ARL9: variants seen among roughly 807,000 people sequenced by gnomAD.
ARL9 encodes the protein ADP-ribosylation factor-like protein 9.
In ARL9, 14 loss-of-function variants were observed where a neutral mutation model predicts 27.0. The ratio of observed to expected loss-of-function variants is 0.52; its 90% CI spans 0.34 to 0.81. ARL9 has a LOEUF of 0.81. Among genes scored for constraint, ARL9 ranks in the 30% least tolerant of loss-of-function variants. The pLI, the probability that ARL9 is intolerant of heterozygous loss-of-function variation, is 0.01. For synonymous variants in ARL9, 106 were observed against 108.7 expected (o/e 0.98, Z 0.15); for missense variants, 294 against 290.0 (o/e 1.01, Z -0.10).
Position 56,514,172 on chromosome 4 carries a change from A to G in ARL9, c.442+2825A>G, listed in dbSNP as rs554852980. On this transcript the variant is annotated intron_variant, in intron 2 of 3. Transcript: ENST00000640821. Reference sequence around the variant, plus strand: ...GGCAACAAAGTGAAACCGTGTCTCAAAAAAGAAGATGACAAAATCTACTGA... The same window carrying G: ...GGCAACAAAGTGAAACCGTGTCTCAGAAAAGAAGATGACAAAATCTACTGA... Among the ~76,000 whole-genome samples, 9 of 152,346 alleles carry G rather than the reference A, an allele frequency of 5.9e-5. No homozygotes were observed. In the South Asian group the frequency reaches 1.9e-3, roughly 32 times the overall value.
intron 3 of ARL9, 90 bp from the exon 4 acceptor site, chr4:56,523,607 A>G: frequency 9.5e-7 from 1 of 1,054,934 alleles, no homozygotes; most frequent in Non-Finnish European, 1.4e-6. Flanking sequence ...GTGGTCACTG[A>G]GAGCAATAAA....
In ARL9 at chr4:56,523,767, G is replaced by C; in HGVS notation, c.689G>C (p.Arg230Thr). 1 of 1,613,864 alleles carries C rather than the reference G, an allele frequency of 6.2e-7. No individual in the cohort carries two copies. The highest frequency in any genetic ancestry group is 8.5e-7 in the Non-Finnish European group (1 of 1,179,766). ...GCATTATCTGAAGTGGGAAATGACA[G>C]GAAGATGTTCTTGTTTGGAACCTAC... ...ALALSEVGND[R>T]KMFLFGTYLT... Residue 230 changes from arginine (R) to threonine (T), a missense_variant, in exon 4 of 4, where the codon AGG becomes ACG. Coordinates refer to ENST00000640821, the MANE Select transcript of ARL9 (RefSeq NM_001363794.2).
chr4:56,505,527 G>A (rs141027701), upstream of ARL9: 16,676 of 515,070 alleles, frequency 0.032, 350 homozygotes, highest in Middle Eastern at 0.044. Flanking sequence ...CGCTAGGGAC[G>A]CTTTTTCTGC....
At chr4:56,507,599 G>A (rs749512100) in intron 1 of ARL9, among the ~76,000 whole-genome samples, 4 of 151,708 alleles carry the variant, frequency 2.6e-5, no homozygotes, top group African/African-American at 4.8e-5. Context: ...ACAGGCATGA[G>A]CCACTGTGCC....
At chr4:56,521,036 CCT>C (rs1457839062) in intron 3 of ARL9, among the ~76,000 whole-genome samples, 2 of 151,810 alleles carry the variant, frequency 1.3e-5, no homozygotes, top group Non-Finnish European at 2.9e-5. Flanking sequence ...ATGGTGAAAC[CCT>C]GTCTCTACTA....
At chr4:56,508,645 C>G (rs1377917442) in intron 1 of ARL9, among the ~76,000 whole-genome samples, 3 of 152,192 alleles carry the variant, frequency 2.0e-5, no homozygotes, top group Non-Finnish European at 4.4e-5. Flanking sequence ...CTTGGCCTCC[C>G]AAAGTGCTGG....
At chr4:56,505,360 G>T, upstream of ARL9, 1 of 457,036 alleles carries the variant, frequency 2.2e-6, no homozygotes, top group Non-Finnish European at 4.4e-6. Flanking sequence ...GGAAGGCTGA[G>T]AATCCTCCCG....
Position 56,518,212 on chromosome 4 carries a change from A to G in ARL9, c.443-466A>G, listed in dbSNP as rs183970301. Among the ~76,000 whole-genome samples the G allele has an allele frequency of 2.9e-3, 439 of 151,972 alleles. 1 individual carries two copies. Among genetic ancestry groups the G allele is most frequent in the Non-Finnish European group, 5.1e-3 (344 of 67,960 alleles). Reference sequence around the variant, plus strand: ...CACACCGGCTCATTTTTTAGTTTTTATTTTTGTAGAGACAGGGCCTCACCC... The same window carrying G: ...CACACCGGCTCATTTTTTAGTTTTTGTTTTTGTAGAGACAGGGCCTCACCC... On this transcript the variant is annotated intron_variant, in intron 2 of 3. Transcript: ENST00000640821.
rs1040606196 is a variant in ARL9, at chr4:56,524,205, A to G, written c.*329A>G. On this transcript the variant is annotated 3_prime_UTR_variant, in exon 4 of 4. Transcript: ENST00000640821. Reference sequence around the variant, plus strand: ...ATAAGTAATCTAAAGATGATTTAAAATACACGAGTAGAAGTGTGTAGGTTA... The same window carrying G: ...ATAAGTAATCTAAAGATGATTTAAAGTACACGAGTAGAAGTGTGTAGGTTA... 4.6e-5 allele frequency: 9 copies of G among 194,984 alleles called. No homozygotes were observed. The highest frequency in any genetic ancestry group is 9.5e-5 in the Non-Finnish European group (9 of 95,200). The allele number at this position is 194,984 out of a possible 1,614,324, so 12.1% of individuals were successfully genotyped here.
chr4:56,506,264 G>A lies in ARL9; in HGVS notation c.279+123G>A. 3.0e-6 allele frequency: 3 copies of A among 1,008,774 alleles called. No individual in the cohort carries two copies. In the South Asian group the frequency reaches 1.6e-4, roughly 52 times the overall value. 62.5% of individuals were successfully genotyped at this position (1,008,774 alleles called of 1,614,324 possible). ...TGGGAGCGAATGGATCTCAACTGAG[G>A]GCTATTTACCTATGGATGAAAGAGA... On this transcript the variant is annotated intron_variant, in intron 1 of 3. Transcript: ENST00000640821.
rs553854742 is a variant in ARL9 at position 56,508,882 on chromosome 4, A to C, written c.280-2303A>C. 3.3e-5 allele frequency among the ~76,000 whole-genome samples: 5 copies of C among 152,308 alleles called. No individual in the cohort carries two copies. In the South Asian group the frequency reaches 1.0e-3, roughly 32 times the overall value. ...GTTTAAGTCTAATGTCAACATTTAG[A>C]GTTCAAGCAGAACAAACAGAAATGT... On this transcript the variant is annotated intron_variant, in intron 1 of 3. Transcript: ENST00000640821.
At position 56,518,806 on chromosome 4, in the gene ARL9, A is replaced by G. The variant is rs1361505086; in HGVS notation, c.571A>G (p.Ile191Val). ...AGCCAAGAAATACCTTCATCAGCTAATTGCAGCAAACCCAGTACTTCCTCT... is the reference window on the plus strand; with the variant it reads ...AGCCAAGAAATACCTTCATCAGCTAGTTGCAGCAAACCCAGTACTTCCTCT... ...PEAKKYLHQL[I>V]AANPVLPLVV... The change falls in exon 3 of 4, where the codon ATT becomes GTT. Residue 191 changes from isoleucine to valine, a missense_variant. Physicochemically the swap from Ile to Val is conservative, Grantham distance 29 (BLOSUM62 3). Coordinates refer to ENST00000640821, the MANE Select transcript of ARL9 (RefSeq NM_001363794.2). The G allele has an allele frequency of 6.2e-7, 1 of 1,614,046 alleles. No individual in the cohort carries two copies.
At chr4:56,510,954 G>T (rs1200198509) in intron 1 of ARL9, among the ~76,000 whole-genome samples, 5 of 151,938 alleles carry the variant, frequency 3.3e-5, no homozygotes, top group Admixed American at 2.0e-4. Flanking sequence ...TGTATTTTTA[G>T]TATAGATGGG....
At chr4:56,520,113 A>G (rs1560699664) in intron 3 of ARL9, among the ~76,000 whole-genome samples, 1 of 151,536 alleles carries the variant, frequency 6.6e-6, no homozygotes, top group East Asian at 1.9e-4. Context: ...AGTGATTCTC[A>G]TGCCTCAACC....
At chr4:56,514,517 A>C (rs903858293) in intron 2 of ARL9, among the ~76,000 whole-genome samples, 1 of 152,250 alleles carries the variant, frequency 6.6e-6, no homozygotes, top group Admixed American at 6.5e-5. Context: ...ATCATTGATT[A>C]GGATGACAAG....
chr4:56,517,091 G>A (rs1051114065), intron 2 of ARL9, among the ~76,000 whole-genome samples: 3 of 152,184 alleles, frequency 2.0e-5, no homozygotes, highest in African/African-American at 7.2e-5. Flanking sequence ...ACTCTTGCTT[G>A]TATGGACCTC....
intron 3 of ARL9, among the ~76,000 whole-genome samples, chr4:56,519,284 G>A (rs190134096): frequency 4.6e-5 from 7 of 152,262 alleles, no homozygotes; most frequent in Admixed American, 3.9e-4. Flanking sequence ...TGGTAGAGCT[G>A]CTATAGAAAA....
chr4:56,506,789 TGTGTGTGTG>T lies in ARL9; in HGVS notation c.279+649_279+657del, dbSNP rs1560694840. 1,126 of 153,304 alleles carry T rather than the reference TGTGTGTGTG, an allele frequency of 7.3e-3. 32 individuals carry two copies. Among genetic ancestry groups the T allele is most frequent in the African/African-American group, 0.034 (1,062 of 31,620 alleles). The allele number at this position is 153,304 out of a possible 1,614,324, so 9.5% of individuals were successfully genotyped here. ...CAATTATGAATGATTAACACAGTTG[TGTGTGTGTG>T]TGTGTGTGTGTGTGTGTGTGTGTGT... is the stretch of plus-strand genomic sequence containing the variant. On this transcript the variant is annotated intron_variant, in intron 1 of 3. Coordinates refer to ENST00000640821, the MANE Select transcript of ARL9 (RefSeq NM_001363794.2).
At chr4:56,518,315 G>A (rs966197441) in intron 2 of ARL9, among the ~76,000 whole-genome samples, 1 of 152,160 alleles carries the variant, frequency 6.6e-6, no homozygotes, top group Admixed American at 6.6e-5. Flanking sequence ...GGGATTACAG[G>A]CGTGAGCAAC....
Sources: gnomAD v4.1 joint callset for allele counts (sites outside exome capture counted in the v4.1 genomes callset) on GRCh38, gnomAD v4.1.1 for gene constraint, MANE v1.5 for transcripts, NCBI Gene and HGNC (gene_info 2026-07-23, HGNC 2026-07-21) for gene names.